DHRSX: variants seen among roughly 807,000 people sequenced by gnomAD.
DHRSX encodes the protein dehydrogenase/reductase X-linked.
A neutral mutation model predicts 34.0 loss-of-function variants in DHRSX; 31 were observed. The observed-to-expected ratio is 0.91, with a 90% CI of 0.69 to 1.23. The LOEUF (loss-of-function observed/expected upper bound fraction) is 1.23. Among genes scored for constraint, DHRSX ranks in the 50% most tolerant of loss-of-function variants. DHRSX has a pLI of 0.00. For missense variants in DHRSX, 414 were observed against 428.1 expected (o/e 0.97, Z 0.29); for synonymous variants, 201 against 183.8 (o/e 1.09, Z -0.76).
chrX:2,346,819 G>A (rs937345606), intron 3 of DHRSX, among the ~76,000 whole-genome samples: 11 of 151,784 alleles, frequency 7.2e-5, no homozygotes, highest in Non-Finnish European at 1.5e-4. Context: ...TCCCCGACAG[G>A]CCCCAGTGTG....
chrX:2,348,397 C>T (rs771344948), intron 3 of DHRSX, among the ~76,000 whole-genome samples: 13 of 152,284 alleles, frequency 8.5e-5, no homozygotes, highest in Admixed American at 7.8e-4. Context: ...TGTTCGTTCT[C>T]TCTGGATGGG....
intron 3 of DHRSX, among the ~76,000 whole-genome samples, chrX:2,324,844 T>C (rs1320116664): frequency 3.3e-5 from 5 of 150,306 alleles, no homozygotes; most frequent in Admixed American, 2.7e-4. Context: ...TGTTCGCTCA[T>C]TGCAACCTCC....
At chrX:2,243,927 G>A (rs1250987372) in intron 5 of DHRSX, among the ~76,000 whole-genome samples, 6 of 147,152 alleles carry the variant, frequency 4.1e-5, no homozygotes, top group African/African-American at 1.0e-4. Flanking sequence ...CTGTCACCAC[G>A]CCCGGCTAAT....
At chrX:2,426,889 C>A (rs1445122631) in intron 1 of DHRSX, among the ~76,000 whole-genome samples, 1 of 151,786 alleles carries the variant, frequency 6.6e-6, no homozygotes, top group Non-Finnish European at 1.5e-5. Context: ...CATCTTCTAA[C>A]CCTTCCCTCC....
At chrX:2,313,703 G>A (rs2042191605) in intron 3 of DHRSX, among the ~76,000 whole-genome samples, 1 of 152,094 alleles carries the variant, frequency 6.6e-6, no homozygotes, top group South Asian at 2.1e-4. Context: ...GTCAAACTCT[G>A]TAAAATATTT....
At position 2,345,961 on chromosome X, in the gene DHRSX, C is replaced by G. The variant is rs954003954; in HGVS notation, c.287-54358G>C. Among the ~76,000 whole-genome samples the G allele has an allele frequency of 2.6e-5, 4 of 152,272 alleles. No homozygotes were observed. The East Asian group carries it at 7.7e-4, about 29-fold the overall frequency. On this transcript the variant is annotated intron_variant, in intron 3 of 6. Coordinates refer to ENST00000334651, the MANE Select transcript of DHRSX (RefSeq NM_145177.3). Reference sequence around the variant, plus strand: ...TATCAGTACACACATCATATTGGTTCTATTTCTCTGCAGTATCTTGACTCA... The same window carrying G: ...TATCAGTACACACATCATATTGGTTGTATTTCTCTGCAGTATCTTGACTCA...
At chrX:2,246,768 G>T (rs1214618648) in intron 5 of DHRSX, among the ~76,000 whole-genome samples, 3 of 144,792 alleles carry the variant, frequency 2.1e-5, no homozygotes, top group Admixed American at 6.8e-5. Flanking sequence ...GAAAATAAAA[G>T]AATAGAAAAT....
At chrX:2,259,534 C>T (rs1247676967) in intron 5 of DHRSX, among the ~76,000 whole-genome samples, 1 of 152,112 alleles carries the variant, frequency 6.6e-6, no homozygotes, top group East Asian at 1.9e-4. Flanking sequence ...CCTTGATCTG[C>T]TTTGCAATCT....
chrX:2,327,438 A>G (rs1016676574), intron 3 of DHRSX, among the ~76,000 whole-genome samples: 1 of 152,194 alleles, frequency 6.6e-6, no homozygotes, highest in African/African-American at 2.4e-5. Flanking sequence ...AGCTACAGTG[A>G]TGGCCTGTGT....
chrX:2,448,305 C>T (rs1399515825), intron 1 of DHRSX, among the ~76,000 whole-genome samples: 9 of 151,892 alleles, frequency 5.9e-5, no homozygotes, highest in Admixed American at 4.6e-4. Context: ...TGCACTCCAC[C>T]GTGGGTGATA....
chrX:2,342,098 G>A (rs911540167), intron 3 of DHRSX, among the ~76,000 whole-genome samples: 1 of 152,040 alleles, frequency 6.6e-6, no homozygotes, highest in Non-Finnish European at 1.5e-5. Context: ...GAGCCACCTC[G>A]CCCGGCCGAT....
At chrX:2,352,463 G>A (rs950335009) in intron 3 of DHRSX, among the ~76,000 whole-genome samples, 2 of 152,136 alleles carry the variant, frequency 1.3e-5, no homozygotes, top group South Asian at 2.1e-4. Flanking sequence ...CCTACTTGCC[G>A]GGCTGAGGGC....
chrX:2,285,983 C>T (rs2041800435), intron 4 of DHRSX, among the ~76,000 whole-genome samples: 1 of 152,136 alleles, frequency 6.6e-6, no homozygotes, highest in South Asian at 2.1e-4. Context: ...GATGCATAAA[C>T]CAAGGCATGC....
At chrX:2,370,823 G>A (rs1293256206) in intron 3 of DHRSX, among the ~76,000 whole-genome samples, 1 of 152,134 alleles carries the variant, frequency 6.6e-6, no homozygotes, top group East Asian at 1.9e-4. Flanking sequence ...CTCACCTGGA[G>A]CAAACGTCAG....
At chrX:2,260,767 T>C (rs543356552) in intron 5 of DHRSX, among the ~76,000 whole-genome samples, 1 of 152,262 alleles carries the variant, frequency 6.6e-6, no homozygotes, top group Admixed American at 6.5e-5. Flanking sequence ...AGGTATTTTC[T>C]ACTTCTTGTA....
At chrX:2,315,116 C>T (rs1174391078) in intron 3 of DHRSX, among the ~76,000 whole-genome samples, 1 of 151,766 alleles carries the variant, frequency 6.6e-6, no homozygotes, top group African/African-American at 2.4e-5. Flanking sequence ...TGAGATCACG[C>T]CATAGCACTC....
At chrX:2,291,896 A>ATTTTTTTTTTTTTTTT (rs928376249) in intron 3 of DHRSX, among the ~76,000 whole-genome samples, 13 of 96,068 alleles carry the variant, frequency 1.4e-4, no homozygotes, top group East Asian at 3.2e-4. Flanking sequence ...GTATTTTTGT[A>ATTTTTTTTTTTTTTTT]TTTTTTTTTT....
chrX:2,434,569 G>A (rs2043970012), intron 1 of DHRSX, among the ~76,000 whole-genome samples: 1 of 152,186 alleles, frequency 6.6e-6, no homozygotes, highest in Non-Finnish European at 1.5e-5. Context: ...TACCCTGGAG[G>A]CTGAAATGGG....
intron 4 of DHRSX, among the ~76,000 whole-genome samples, chrX:2,268,427 C>T (rs1489742721): frequency 3.9e-5 from 6 of 152,164 alleles, no homozygotes; most frequent in Non-Finnish European, 5.9e-5. Context: ...AATACAGGCA[C>T]GTCTATTCAT....
Sources: allele counts gnomAD v4.1 joint callset (sites outside exome capture counted in the v4.1 genomes callset), GRCh38; gene constraint gnomAD v4.1.1; transcripts MANE v1.5; gene names NCBI Gene and HGNC (gene_info 2026-07-23, HGNC 2026-07-21).